Variants in SPAG16 observed in about 807,000 individuals in gnomAD.
SPAG16 encodes sperm associated antigen 16.
Under a neutral mutation model 80.4 loss-of-function variants are expected in SPAG16, and 86 were observed. The observed-to-expected ratio is 1.07, with a 90% confidence interval of 0.90 to 1.28. The LOEUF is 1.28. Among genes scored for constraint, SPAG16 ranks in the 50% most tolerant of loss-of-function variants. The pLI is 0.00. For missense variants in SPAG16, 870 were observed against 765.3 expected, an observed-to-expected ratio of 1.14 and a Z score of -1.61; for synonymous variants, 294 against 265.9, an observed-to-expected ratio of 1.11 and a Z score of -1.03.
At chr2:214,154,732 C>A (rs908802274) in intron 15 of SPAG16, among the ~76,000 whole-genome samples, 1 of 151,992 alleles carries the variant, frequency 6.6e-6, no homozygotes, top group South Asian at 2.1e-4. Flanking sequence ...GCAAAATGAT[C>A]CTGACAAAAT....
At chr2:213,792,576 CTTTTTTTTT>C (rs11372174) in intron 10 of SPAG16, among the ~76,000 whole-genome samples, 5 of 78,258 alleles carry the variant, frequency 6.4e-5, no homozygotes, top group African/African-American at 2.0e-4. Flanking sequence ...AAATGAGTAT[CTTTTTTTTT>C]TTTTTTTTTT....
At chr2:213,825,764 G>A (rs1206201410) in intron 10 of SPAG16, among the ~76,000 whole-genome samples, 3 of 144,220 alleles carry the variant, frequency 2.1e-5, no homozygotes, top group Admixed American at 1.4e-4. Context: ...GTTAACAGTG[G>A]ACTCATATAA....
intron 10 of SPAG16, among the ~76,000 whole-genome samples, chr2:213,836,176 G>GGCCCC (rs2074063456): frequency 7.8e-6 from 1 of 128,454 alleles, no homozygotes; most frequent in African/African-American, 3.0e-5. Flanking sequence ...TTCATTATTC[G>GGCCCC]CCCCCCCCCC....
At chr2:214,016,114 C>T (rs565858087) in intron 13 of SPAG16, among the ~76,000 whole-genome samples, 39 of 152,064 alleles carry the variant, frequency 2.6e-4, no homozygotes, top group South Asian at 8.3e-4. Flanking sequence ...AACTGGATTA[C>T]TGGTAGGTTC....
At chr2:214,176,525 C>T (rs961405292) in intron 15 of SPAG16, among the ~76,000 whole-genome samples, 2 of 151,184 alleles carry the variant, frequency 1.3e-5, no homozygotes, top group Non-Finnish European at 3.0e-5. Flanking sequence ...GCTGCTCTGT[C>T]TATGCACAAA....
At chr2:214,253,495 C>T (rs868815826) in intron 15 of SPAG16, among the ~76,000 whole-genome samples, 1 of 151,738 alleles carries the variant, frequency 6.6e-6, no homozygotes, top group South Asian at 2.1e-4. Flanking sequence ...GTGTAAGAAA[C>T]GGGTCCAGTT....
rs892272142 is a variant in SPAG16 at position 214,232,960 on chromosome 2, A to G, written c.1720+83694A>G. 3.9e-5 allele frequency among the ~76,000 whole-genome samples: 6 copies of G among 152,120 alleles called. No homozygotes were observed. The East Asian group carries it at 5.8e-4, about 15-fold the overall frequency. ...ATATCTATGCAATGCAATGCATCCA[A>G]TGATGGAAATGAATGAGCACAGAGC... On this transcript the variant is annotated intron_variant, in intron 15 of 15. Coordinates refer to ENST00000331683, the MANE Select transcript of SPAG16 (RefSeq NM_024532.5).
chr2:213,830,469 T>A (rs189138432), intron 10 of SPAG16, among the ~76,000 whole-genome samples: 7 of 152,340 alleles, frequency 4.6e-5, no homozygotes, highest in Non-Finnish European at 8.8e-5. Flanking sequence ...ATTTCCCACC[T>A]GATTTTTGGT....
intron 12 of SPAG16, among the ~76,000 whole-genome samples, chr2:214,013,232 A>G (rs983510605): frequency 1.3e-5 from 2 of 149,698 alleles, no homozygotes; most frequent in African/African-American, 4.9e-5. Flanking sequence ...ATAATTGTAC[A>G]TATGGGGTAC....
intron 10 of SPAG16, among the ~76,000 whole-genome samples, chr2:213,652,268 A>G (rs1354265189): frequency 1.3e-5 from 2 of 152,070 alleles, no homozygotes; most frequent in Middle Eastern, 3.2e-3. Context: ...TATTTTCCCC[A>G]TATGGTATAT....
At chr2:214,402,652 T>A (rs990183460) in intron 15 of SPAG16, among the ~76,000 whole-genome samples, 1 of 152,002 alleles carries the variant, frequency 6.6e-6, no homozygotes, top group Non-Finnish European at 1.5e-5. Flanking sequence ...TGACAATTTT[T>A]AAATAACATC....
At chr2:213,434,946 A>G (rs2070536378) in intron 9 of SPAG16, among the ~76,000 whole-genome samples, 1 of 152,226 alleles carries the variant, frequency 6.6e-6, no homozygotes, top group Non-Finnish European at 1.5e-5. Context: ...CAATCCAGCA[A>G]TCCCACTACT....
intron 15 of SPAG16, among the ~76,000 whole-genome samples, chr2:214,210,945 T>C (rs1051108573): frequency 1.3e-5 from 2 of 152,094 alleles, no homozygotes; most frequent in Non-Finnish European, 2.9e-5. Flanking sequence ...TTATCTAGAA[T>C]ATCTGACAAC....
In SPAG16 at chr2:213,464,799, C is replaced by T. The variant is rs148464175; in HGVS notation, c.943-25164C>T. Among the ~76,000 whole-genome samples the T allele has an allele frequency of 6.0e-4, 91 of 152,320 alleles. 4 individuals carry two copies. Among genetic ancestry groups the T allele is most frequent in the East Asian group, 5.6e-3 (29 of 5,184 alleles). ...AGTTGGTAGGTTTTATCCTTTCCTA[C>T]GTGGAAGGCTTGGTGAAAGATTTTA... On this transcript the variant is annotated intron_variant, in intron 9 of 15. Coordinates refer to ENST00000331683, the MANE Select transcript of SPAG16 (RefSeq NM_024532.5).
At chr2:214,001,623 T>C (rs574309834) in intron 12 of SPAG16, among the ~76,000 whole-genome samples, 40 of 152,306 alleles carry the variant, frequency 2.6e-4, no homozygotes, top group South Asian at 1.7e-3. Context: ...CTTACTGTCC[T>C]TTATAATATT....
At chr2:213,803,040 C>T (rs1195941307) in intron 10 of SPAG16, among the ~76,000 whole-genome samples, 1 of 151,536 alleles carries the variant, frequency 6.6e-6, no homozygotes, top group Non-Finnish European at 1.5e-5. Flanking sequence ...TTTTGTATAA[C>T]CTATATCTGT....
chr2:213,715,340 A>C (rs1484836297), intron 10 of SPAG16, among the ~76,000 whole-genome samples: 1 of 152,122 alleles, frequency 6.6e-6, no homozygotes, highest in East Asian at 1.9e-4. Flanking sequence ...ATTAAGTTAT[A>C]AATTTCCATG....
intron 12 of SPAG16, among the ~76,000 whole-genome samples, chr2:213,945,374 C>T (rs187267667): frequency 2.7e-5 from 4 of 150,724 alleles, no homozygotes; most frequent in Admixed American, 6.6e-5. Flanking sequence ...TATTAACTTA[C>T]ACAATCACAA....
intron 10 of SPAG16, among the ~76,000 whole-genome samples, chr2:213,816,298 A>G (rs1448668159): frequency 2.0e-5 from 3 of 152,136 alleles, no homozygotes; most frequent in Admixed American, 6.5e-5. Flanking sequence ...GAATGACTAC[A>G]ATCATTTTCC....
Sources: allele counts gnomAD v4.1 joint callset (sites outside exome capture counted in the v4.1 genomes callset), GRCh38; gene constraint gnomAD v4.1.1; transcripts MANE v1.5; gene names NCBI Gene and HGNC (gene_info 2026-07-23, HGNC 2026-07-21).